GLIPR1L2: variants seen among roughly 807,000 people sequenced by gnomAD.
The protein encoded by GLIPR1L2 is GLIPR1-like protein 2.
Under a neutral mutation model 28.4 loss-of-function variants are expected in GLIPR1L2, and 21 were observed. The ratio of observed to expected loss-of-function variants is 0.74; its 90% confidence interval spans 0.52 to 1.06. The LOEUF (loss-of-function observed/expected upper bound fraction) is 1.06, where lower values mean the gene tolerates loss of function less well. GLIPR1L2 is among the 50% of genes least tolerant of loss of function. GLIPR1L2 has a pLI of 0.00. For missense variants in GLIPR1L2, 476 were observed against 416.9 expected, an observed-to-expected ratio of 1.14 and a Z score of -1.23; for synonymous variants, 145 against 139.3, an observed-to-expected ratio of 1.04 and a Z score of -0.29.
rs538089956 is a variant in GLIPR1L2, at chr12:75,401,843, C to CAATT, written c.235-8589_235-8586dup. Among the ~76,000 whole-genome samples, 33 of 151,832 alleles carry CAATT rather than the reference C, an allele frequency of 2.2e-4. No homozygotes were observed. In the South Asian group the frequency reaches 5.4e-3, roughly 25 times the overall value. On this transcript the variant is annotated intron_variant, in intron 1 of 5. Transcript: ENST00000550916. ...CACATGACATAAATAAAGGAAAAGG[C>CAATT]AATTAGCTGTAAATGTCATTTTACA...
chr12:75,423,156 C>G, intron 4 of GLIPR1L2, 167 bp downstream of exon 4: 1 of 1,484,530 alleles, frequency 6.7e-7, no homozygotes, highest in Middle Eastern at 2.5e-4. Context: ...TTAGATTTTT[C>G]TAAACTGCAG....
chr12:75,424,683 C>A (rs530824653), intron 4 of GLIPR1L2, among the ~76,000 whole-genome samples: 1 of 151,996 alleles, frequency 6.6e-6, no homozygotes, highest in Admixed American at 6.6e-5. Flanking sequence ...CTCCTGGCCT[C>A]AAGTGATTCT....
At chr12:75,421,014 A>G (rs2045970955) in intron 3 of GLIPR1L2, among the ~76,000 whole-genome samples, 1 of 152,122 alleles carries the variant, frequency 6.6e-6, no homozygotes, top group Non-Finnish European at 1.5e-5. Context: ...GGGTGATGGG[A>G]CTATGCTCTA....
chr12:75,429,907 A>G (rs1453137286), intron 4 of GLIPR1L2, among the ~76,000 whole-genome samples: 1 of 150,066 alleles, frequency 6.7e-6, no homozygotes, highest in Non-Finnish European at 1.5e-5. Flanking sequence ...CTATGAGTCA[A>G]TTAAACCTTT....
chr12:75,409,953 A>C (rs762022313), intron 1 of GLIPR1L2, among the ~76,000 whole-genome samples: 19 of 150,456 alleles, frequency 1.3e-4, no homozygotes, highest in Non-Finnish European at 2.5e-4. Context: ...CAGATATATA[A>C]AAATATACAT....
At chr12:75,429,036 T>TG (rs1344515091) in intron 4 of GLIPR1L2, among the ~76,000 whole-genome samples, 4 of 151,852 alleles carry the variant, frequency 2.6e-5, no homozygotes, top group Non-Finnish European at 5.9e-5. Context: ...AAATGTGGAG[T>TG]GGGGGCCACC....
intron 1 of GLIPR1L2, among the ~76,000 whole-genome samples, chr12:75,407,830 A>C (rs952626153): frequency 1.3e-5 from 2 of 151,960 alleles, no homozygotes; most frequent in Non-Finnish European, 2.9e-5. Context: ...AATTCTTTGG[A>C]TTTTTCTTGA....
rs534064942 is a variant in GLIPR1L2 at position 75,409,837 on chromosome 12, GATAT to G, written c.235-589_235-586del. ...TATATATAAGATGTATATCTAATCC[GATAT>G]ATATATAAGATGTATATCTAATCCG... On this transcript the variant is annotated intron_variant, in intron 1 of 5. Transcript: ENST00000550916. 2.1e-5 allele frequency among the ~76,000 whole-genome samples: 3 copies of G among 144,128 alleles called. No homozygotes were observed. In the Admixed American group the frequency reaches 2.1e-4, roughly 10 times the overall value. 94.6% of individuals were successfully genotyped at this position (144,128 alleles called of 152,430 possible). A position where few individuals can be genotyped will look rare whatever the true frequency, so the allele number is the denominator to read the frequency against.
intron 3 of GLIPR1L2, among the ~76,000 whole-genome samples, chr12:75,418,447 T>G (rs538347053): frequency 3.3e-5 from 5 of 152,244 alleles, no homozygotes; most frequent in Non-Finnish European, 7.4e-5. Flanking sequence ...AAGGAACACA[T>G]GTATGAATCT....
At chr12:75,397,168 T>C (rs1406107568) in intron 1 of GLIPR1L2, among the ~76,000 whole-genome samples, 1 of 152,172 alleles carries the variant, frequency 6.6e-6, no homozygotes, top group South Asian at 2.1e-4. Flanking sequence ...TTCAGAGTCA[T>C]TGCTTTAGAA....
At chr12:75,394,181 A>G (rs2045659034) in intron 1 of GLIPR1L2, among the ~76,000 whole-genome samples, 1 of 152,048 alleles carries the variant, frequency 6.6e-6, no homozygotes, top group African/African-American at 2.4e-5. Flanking sequence ...CAGATATATG[A>G]TTTGAAAGTA....
intron 1 of GLIPR1L2, among the ~76,000 whole-genome samples, chr12:75,402,361 G>A (rs1336969598): frequency 2.6e-5 from 4 of 152,058 alleles, no homozygotes; most frequent in South Asian, 2.1e-4. Flanking sequence ...ATATTAAAGT[G>A]TTTCTGTGTG....
At chr12:75,417,649 C>A (rs2045936188) in intron 3 of GLIPR1L2, among the ~76,000 whole-genome samples, 1 of 151,740 alleles carries the variant, frequency 6.6e-6, no homozygotes, top group Admixed American at 6.6e-5. Context: ...TATAAATCTA[C>A]AAATTGGTGT....
intron 4 of GLIPR1L2, among the ~76,000 whole-genome samples, chr12:75,425,641 A>G (rs188759246): frequency 6.6e-6 from 1 of 152,206 alleles, no homozygotes; most frequent in African/African-American, 2.4e-5. Context: ...ATACTAAAAC[A>G]ATATTTATTG....
At chr12:75,394,285 TTTTTGTTG>T (rs2045660197) in intron 1 of GLIPR1L2, among the ~76,000 whole-genome samples, 1 of 152,052 alleles carries the variant, frequency 6.6e-6, no homozygotes, top group Non-Finnish European at 1.5e-5. Context: ...AATTTATCAT[TTTTTGTTG>T]TTATTGTATG....
intron 1 of GLIPR1L2, among the ~76,000 whole-genome samples, chr12:75,400,844 C>G (rs563404792): frequency 1.3e-5 from 2 of 152,058 alleles, no homozygotes; most frequent in African/African-American, 4.8e-5. Flanking sequence ...GGCTAGCATT[C>G]CTGAAGTCTG....
chr12:75,424,612 A>G (rs67128138), intron 4 of GLIPR1L2, among the ~76,000 whole-genome samples: 1 of 73,352 alleles, frequency 1.4e-5, no homozygotes, highest in Non-Finnish European at 3.9e-5. Context: ...TGCCCAGCTA[A>G]TTTTTTTTTT....
intron 3 of GLIPR1L2, among the ~76,000 whole-genome samples, chr12:75,420,724 G>T (rs141546050): frequency 2.6e-5 from 4 of 152,278 alleles, no homozygotes; most frequent in African/African-American, 9.6e-5. Flanking sequence ...TGGGAGTTGT[G>T]TTGTGGATTC....
chr12:75,402,048 AAAC>A (rs1389558572), intron 1 of GLIPR1L2, among the ~76,000 whole-genome samples: 1 of 152,198 alleles, frequency 6.6e-6, no homozygotes, highest in Admixed American at 6.5e-5. Context: ...TAAAAAGAGA[AAAC>A]AAATTATTTT....
Sources: allele counts gnomAD v4.1 joint callset (sites outside exome capture counted in the v4.1 genomes callset), GRCh38; gene constraint gnomAD v4.1.1; transcripts MANE v1.5; gene names NCBI Gene and HGNC (gene_info 2026-07-23, HGNC 2026-07-21).